The following COG4 variants were observed in gnomAD, a reference collection of about 807,000 sequenced individuals.
COG4 encodes component of oligomeric golgi complex 4, also known as conserved oligomeric Golgi complex subunit 4.
Under a neutral mutation model 95.1 loss-of-function variants are expected in COG4, and 65 were observed. That is an observed-to-expected ratio of 0.68 (90% CI 0.56 to 0.84). COG4 has a LOEUF of 0.84. COG4 is among the 40% of genes least tolerant of loss of function. COG4 has a pLI of 0.00. For missense variants in COG4, 1,045 were observed against 989.1 expected (o/e 1.06, Z -0.76); for synonymous variants, 421 against 374.8 (o/e 1.12, Z -1.42).
At position 70,516,101 on chromosome 16, in the gene COG4, T is replaced by C. The variant is rs187714956; in HGVS notation, c.369+1525A>G. 4 of 454,628 alleles carry C rather than the reference T, an allele frequency of 8.8e-6. No homozygotes were observed. In the East Asian group the frequency reaches 2.8e-4, roughly 32 times the overall value. The allele number at this position is 454,628 out of a possible 1,614,324, so 28.2% of individuals were successfully genotyped here. On this transcript the variant is annotated intron_variant, in intron 3 of 18. Coordinates refer to ENST00000323786, the MANE Select transcript of COG4 (RefSeq NM_015386.3). ...TTCTTCTGAGTCTATGAGGTGATCATGTGTTTTTTGTCCTTTTTTCTATTA... is the reference window on the plus strand; with the variant it reads ...TTCTTCTGAGTCTATGAGGTGATCACGTGTTTTTTGTCCTTTTTTCTATTA...
At chr16:70,497,459 C>T (rs2049363726) in intron 10 of COG4, 72 bp from the exon 11 acceptor site, 2 of 1,437,544 alleles carry the variant, frequency 1.4e-6, no homozygotes, top group South Asian at 1.1e-5. Context: ...TCTGGGTACA[C>T]TGGCCCTAGC....
At chr16:70,516,444 C>T (rs1446683040) in intron 3 of COG4, among the ~76,000 whole-genome samples, 1 of 152,122 alleles carries the variant, frequency 6.6e-6, no homozygotes, top group South Asian at 2.1e-4. Context: ...CTACAGGAGC[C>T]TGTCACCACC....
intron 8 of COG4, among the ~76,000 whole-genome samples, chr16:70,506,295 C>T (rs537865991): frequency 1.2e-4 from 18 of 151,290 alleles, no homozygotes; most frequent in South Asian, 8.4e-4. Context: ...CCCAGCTACA[C>T]GGGAGGCTGA....
intron 9 of COG4, among the ~76,000 whole-genome samples, chr16:70,499,130 C>T (rs1033920620): frequency 4.6e-5 from 7 of 151,676 alleles, no homozygotes; most frequent in African/African-American, 2.4e-5. Context: ...GCCATGTTAG[C>T]GATTGAGCAC....
intron 8 of COG4, among the ~76,000 whole-genome samples, chr16:70,507,131 G>A (rs913164335): frequency 5.9e-5 from 9 of 152,066 alleles, no homozygotes; most frequent in African/African-American, 2.2e-4. Context: ...CCAGCTACTC[G>A]GGAGGCCGAG....
Position 70,501,892 on chromosome 16 carries a change from G to A in COG4, c.1062-801C>T, listed in dbSNP as rs892595310. ...TTGCCATGTTGGCTAGGCCAGTCTC[G>A]AACTCCTGGCCTCAAGTGATCCTCC... is the stretch of plus-strand genomic sequence containing the variant. On this transcript the variant is annotated intron_variant, in intron 8 of 18. Transcript: ENST00000323786. 3.3e-5 allele frequency among the ~76,000 whole-genome samples: 5 copies of A among 150,884 alleles called. No individual in the cohort carries two copies. The East Asian group carries it at 7.8e-4, about 24-fold the overall frequency.
intron 13 of COG4, among the ~76,000 whole-genome samples, chr16:70,487,532 A>T (rs73578819): frequency 0.12 from 18,376 of 152,188 alleles, 3,683 homozygotes; most frequent in African/African-American, 0.42. Flanking sequence ...CAGTGAGCTG[A>T]GATCGCGCCA....
At position 70,481,779 on chromosome 16, in the gene COG4, T is replaced by G; in HGVS notation, c.2091A>C (p.Lys697Asn). ...VAVELEKVVLKSTFNRLGGLQ... is the reference protein window; with the variant it reads ...VAVELEKVVLNSTFNRLGGLQ... ...TTTACCTTACCCGGTTAAAGGTGGA[T>G]TTCAGCACCACTTTCTCCAACTCGA... The change falls in exon 17 of 19, where the codon AAA (lysine) becomes AAC (asparagine). Residue 697 changes from lysine (K) to asparagine (N), a missense_variant. Coordinates refer to ENST00000323786, the MANE Select transcript of COG4 (RefSeq NM_015386.3). 1 of 1,613,932 alleles carries G rather than the reference T, an allele frequency of 6.2e-7. No individual in the cohort carries two copies. The highest frequency in any genetic ancestry group is 8.5e-7 in the Non-Finnish European group (1 of 1,179,912).
At chr16:70,515,200 G>C (rs2049797310) in intron 3 of COG4, among the ~76,000 whole-genome samples, 1 of 151,760 alleles carries the variant, frequency 6.6e-6, no homozygotes, top group Non-Finnish European at 1.5e-5. Flanking sequence ...AATTTTTGTA[G>C]AGACAAGGTT....
intron 9 of COG4, 27 bp from the exon 10 acceptor site, chr16:70,498,082 T>G (rs370278656): frequency 3.2e-5 from 46 of 1,459,060 alleles, no homozygotes; most frequent in Non-Finnish European, 6.7e-6. Flanking sequence ...AAAGGAATAC[T>G]CATTTTTTTT....
rs1415942404 is a variant in COG4, at chr16:70,483,924, C to T, written c.1756G>A (p.Ala586Thr). Reference protein sequence around the residue: ...LFSQGIGGEQAQAKFDSCLSD... With the variant: ...LFSQGIGGEQTQAKFDSCLSD... ...AGGCAGCTGTCAAACTTGGCCTGGG[C>T]CTGCTCCCCTCCAATGCCCTGGCTG... is the stretch of plus-strand genomic sequence containing the variant. Residue 586 changes from alanine to threonine, a missense_variant, in exon 14 of 19, where the codon GCC becomes ACC. Physicochemically the swap from Ala to Thr is moderately conservative, Grantham distance 58. Coordinates refer to ENST00000323786, the MANE Select transcript of COG4 (RefSeq NM_015386.3). 1.9e-6 allele frequency: 3 copies of T among 1,613,276 alleles called. No individual in the cohort carries two copies. In the Admixed American group the frequency reaches 5.0e-5, roughly 27 times the overall value.
chr16:70,489,024 A>G (rs1018148150), intron 13 of COG4, among the ~76,000 whole-genome samples: 4 of 152,210 alleles, frequency 2.6e-5, no homozygotes, highest in Admixed American at 6.5e-5. Context: ...GCCTAAGGTC[A>G]CACAGCTGGG....
intron 13 of COG4, 106 bp from the exon 14 acceptor site, chr16:70,484,075 G>T: frequency 2.3e-6 from 2 of 851,336 alleles, no homozygotes; most frequent in Non-Finnish European, 4.0e-6. Context: ...CCTGTCAAGA[G>T]CCCGGATGGG....
intron 8 of COG4, among the ~76,000 whole-genome samples, chr16:70,504,842 C>T (rs1399849327): frequency 2.0e-5 from 3 of 147,800 alleles, no homozygotes; most frequent in Non-Finnish European, 4.4e-5. Context: ...ACCCGGGAGG[C>T]GTAGGTTGCA....
At chr16:70,489,758 T>C (rs2049207175) in intron 13 of COG4, among the ~76,000 whole-genome samples, 1 of 130,922 alleles carries the variant, frequency 7.6e-6, no homozygotes, top group South Asian at 3.5e-4. Flanking sequence ...ATGAGAGGAC[T>C]GAGGCTCAGA....
intron 3 of COG4, chr16:70,515,750 A>T (rs1422576395): frequency 8.0e-5 from 21 of 263,032 alleles, no homozygotes; most frequent in African/African-American, 4.1e-4. Context: ...ACATAGTAAG[A>T]GAAGACACCC....
chr16:70,501,378 G>C (rs997575815), intron 8 of COG4: 2 of 388,386 alleles, frequency 5.1e-6, no homozygotes, highest in African/African-American at 4.1e-5. Context: ...TTTTGAGATG[G>C]AGTCTTGCTC....
intron 13 of COG4, among the ~76,000 whole-genome samples, chr16:70,484,232 G>T (rs1049280253): frequency 6.6e-6 from 1 of 152,200 alleles, no homozygotes; most frequent in Admixed American, 6.5e-5. Context: ...GACATTCCTA[G>T]GTTCAAGTCC....
At chr16:70,511,378 T>C (rs2049700680) in intron 5 of COG4, among the ~76,000 whole-genome samples, 1 of 152,122 alleles carries the variant, frequency 6.6e-6, no homozygotes, top group African/African-American at 2.4e-5. Context: ...CTTAACGGCA[T>C]AATAATGGTC....
Sources: allele counts gnomAD v4.1 joint callset (sites outside exome capture counted in the v4.1 genomes callset), GRCh38; gene constraint gnomAD v4.1.1; transcripts MANE v1.5; gene names NCBI Gene and HGNC (gene_info 2026-07-23, HGNC 2026-07-21).